Variants in CNOT8 observed in about 807,000 individuals in gnomAD.
The protein encoded by CNOT8 is CAF1-like protein.
In CNOT8, 18 loss-of-function variants were observed where a neutral mutation model predicts 34.6. That is an observed-to-expected ratio of 0.52 (90% confidence interval 0.36 to 0.77). CNOT8 has a LOEUF of 0.77. CNOT8 is among the 30% of genes least tolerant of loss of function. CNOT8 has a pLI of 0.00. For synonymous variants in CNOT8, 101 were observed against 118.8 expected (o/e 0.85, Z 0.98); for missense variants, 189 against 347.9 (o/e 0.54, Z 3.63).
At position 154,875,578 on chromosome 5, in the gene CNOT8, T is replaced by C; in HGVS notation, c.*139T>C. The C allele has an allele frequency of 2.2e-6, 2 of 893,474 alleles. No homozygotes were observed. Among genetic ancestry groups the C allele is most frequent in the Non-Finnish European group, 3.2e-6 (2 of 615,456 alleles). 55.3% of individuals were successfully genotyped at this position (893,474 alleles called of 1,614,324 possible). A position where few individuals can be genotyped will look rare whatever the true frequency, so the allele number is the denominator to read the frequency against. ...CTGCATTGAGCAGAAAGACTTTTGT[T>C]TTACTGAAGACAAAAGATGTTTTTA... is the stretch of plus-strand genomic sequence containing the variant. On this transcript the variant is annotated 3_prime_UTR_variant, in exon 7 of 7. Coordinates refer to ENST00000285896, the MANE Select transcript of CNOT8 (RefSeq NM_001301073.2).
At position 154,866,352 on chromosome 5, in the gene CNOT8, C is replaced by T. The variant is rs147947481; in HGVS notation, c.311+967C>T. 2.3e-3 allele frequency among the ~76,000 whole-genome samples: 351 copies of T among 152,164 alleles called. 1 individual carries two copies. Among genetic ancestry groups the T allele is most frequent in the African/African-American group, 8.0e-3 (331 of 41,530 alleles). ...GATTTTTTGTAGAAAGTGATCAGCC[C>T]GCTTTGGCCTCCCAGAGTGTTGGGA... On this transcript the variant is annotated intron_variant, in intron 3 of 6. Coordinates refer to ENST00000285896, the MANE Select transcript of CNOT8 (RefSeq NM_001301073.2).
At position 154,865,352 on chromosome 5, in the gene CNOT8, A is replaced by G. The variant is rs759324217; in HGVS notation, c.278A>G (p.Asn93Ser). The G allele has an allele frequency of 1.9e-6, 3 of 1,586,592 alleles. No homozygotes were observed. Among genetic ancestry groups the G allele is most frequent in the Non-Finnish European group, 2.6e-6 (3 of 1,173,278 alleles). Reference sequence around the variant, plus strand: ...AAGGGAGAGTATCCTTCTGGAATCAATACTTGGCAGTTCAATTTCAAATTT... The same window carrying G: ...AAGGGAGAGTATCCTTCTGGAATCAGTACTTGGCAGTTCAATTTCAAATTT... The part of the protein sequence containing the change: ...NEKGEYPSGI[N>S]TWQFNFKFNL... The change falls in exon 3 of 7, where the codon AAT (asparagine) becomes AGT (serine). Residue 93 changes from asparagine (N) to serine (S), a missense_variant. Asn to Ser is a conservative substitution (Grantham distance 46). Transcript: ENST00000285896.
In CNOT8 at chr5:154,875,601, T is replaced by C. The variant is rs1561697748; in HGVS notation, c.*162T>C. The C allele has an allele frequency of 1.3e-6, 1 of 748,670 alleles. No homozygotes were observed. Among genetic ancestry groups the C allele is most frequent in the Non-Finnish European group, 2.1e-6 (1 of 486,084 alleles). The allele number at this position is 748,670 out of a possible 1,614,324, so 46.4% of individuals were successfully genotyped here. On this transcript the variant is annotated 3_prime_UTR_variant, in exon 7 of 7. Transcript: ENST00000285896. ...GTTTTACTGAAGACAAAAGATGTTT[T>C]TATTTTAGACCCAGAAGAGAGGAGT...
chr5:154,873,370 T>A (rs981596137), intron 6 of CNOT8, among the ~76,000 whole-genome samples: 2 of 152,246 alleles, frequency 1.3e-5, no homozygotes, highest in African/African-American at 4.8e-5. Context: ...CAGAACTTCA[T>A]GTTCTTGTCA....
intron 2 of CNOT8, among the ~76,000 whole-genome samples, chr5:154,864,668 A>G (rs1441001613): frequency 6.6e-6 from 1 of 152,074 alleles, no homozygotes; most frequent in Non-Finnish European, 1.5e-5. Flanking sequence ...AACTCTTTCT[A>G]TTGACATTCT....
In CNOT8 at chr5:154,870,658, T is replaced by C. The variant is rs1006635148; in HGVS notation, c.312-3T>C. 9 of 1,609,016 alleles carry C rather than the reference T, an allele frequency of 5.6e-6. No homozygotes were observed. Among genetic ancestry groups the C allele is most frequent in the Non-Finnish European group, 7.6e-6 (9 of 1,178,056 alleles). On this transcript the variant is annotated splice_region_variant and splice_polypyrimidine_tract_variant and intron_variant, in intron 3 of 6. Transcript: ENST00000285896. ...GTTAATAAATAAACACCTTGTTTTT[T>C]AGAGAGGACATGTACTCCCAGGATT...
At chr5:154,874,909 T>C (rs145635293) in intron 6 of CNOT8, among the ~76,000 whole-genome samples, 2 of 151,882 alleles carry the variant, frequency 1.3e-5, no homozygotes, top group East Asian at 3.9e-4. Flanking sequence ...GAGGTGGTGA[T>C]GTGGTAGTGG....
In CNOT8 at chr5:154,875,669, C is replaced by T. The variant is rs878980849; in HGVS notation, c.*230C>T. Reference sequence around the variant, plus strand: ...ATAAGTCTTCCCCATTCCTCATACTCGAGCCTCTCCTCTCTGGTTGCCTCC... The same window carrying T: ...ATAAGTCTTCCCCATTCCTCATACTTGAGCCTCTCCTCTCTGGTTGCCTCC... On this transcript the variant is annotated 3_prime_UTR_variant, in exon 7 of 7. Transcript: ENST00000285896. 1.2e-5 allele frequency: 5 copies of T among 434,022 alleles called. No individual in the cohort carries two copies. The highest frequency in any genetic ancestry group is 6.5e-5 in the South Asian group (2 of 30,582). The allele number at this position is 434,022 out of a possible 1,614,324, so 26.9% of individuals were successfully genotyped here. A position where few individuals can be genotyped will look rare whatever the true frequency, so the allele number is the denominator to read the frequency against.
At position 154,865,126 on chromosome 5, in the gene CNOT8, T is replaced by G. The variant is rs1761744690; in HGVS notation, c.118-66T>G. 4.7e-6 allele frequency: 6 copies of G among 1,275,258 alleles called. No individual in the cohort carries two copies. The South Asian group carries it at 9.4e-5, about 20-fold the overall frequency. 79.0% of individuals were successfully genotyped at this position (1,275,258 alleles called of 1,614,324 possible). The stretch of plus-strand genomic sequence containing the variant: ...ATAAATGGAGGTAAAATTTTATTTA[T>G]GAATTACCAATTCAGCATCCACTGT... On this transcript the variant is annotated intron_variant, in intron 2 of 6. Coordinates refer to ENST00000285896, the MANE Select transcript of CNOT8 (RefSeq NM_001301073.2).
In CNOT8 at chr5:154,875,775, C is replaced by G. The variant is rs118083648; in HGVS notation, c.*336C>G. ...AAACAAAGTAGTAAAATGTATATAACTCTTACCTGTTGTCATTCTTTTTCT... is the reference window on the plus strand; with the variant it reads ...AAACAAAGTAGTAAAATGTATATAAGTCTTACCTGTTGTCATTCTTTTTCT... On this transcript the variant is annotated 3_prime_UTR_variant, in exon 7 of 7. Transcript: ENST00000285896. 3.6e-5 allele frequency: 7 copies of G among 191,862 alleles called. No individual in the cohort carries two copies. The East Asian group carries it at 9.8e-4, about 27-fold the overall frequency. The allele number at this position is 191,862 out of a possible 1,614,324, so 11.9% of individuals were successfully genotyped here.
rs1264204520 is a variant in CNOT8, at chr5:154,876,378, A to G, written c.*939A>G. 1 of 152,156 alleles carries G rather than the reference A, an allele frequency of 6.6e-6. No individual in the cohort carries two copies. Among genetic ancestry groups the G allele is most frequent in the Non-Finnish European group, 1.5e-5 (1 of 68,050 alleles). The allele number at this position is 152,156 out of a possible 1,614,324, so 9.4% of individuals were successfully genotyped here. A position where few individuals can be genotyped will look rare whatever the true frequency, so the allele number is the denominator to read the frequency against. On this transcript the variant is annotated 3_prime_UTR_variant, in exon 7 of 7. Transcript: ENST00000285896. The stretch of plus-strand genomic sequence containing the variant: ...TTCCAGCAAACCTGAAACGTGAGGG[A>G]GATGGATTAATGTGAGTAACAGGAA...
chr5:154,870,393 T>A, intron 3 of CNOT8: 1 of 240,302 alleles, frequency 4.2e-6, no homozygotes, highest in Non-Finnish European at 8.1e-6. Flanking sequence ...GTTATTGGTT[T>A]TTTTTTTTTT....
Position 154,860,322 on chromosome 5 carries a change from A to G in CNOT8, c.-73+1554A>G, listed in dbSNP as rs544453618. On this transcript the variant is annotated intron_variant, in intron 1 of 6. Transcript: ENST00000285896. ...GATGATGATGATGATGATTTTTTTGAGACGTGCTCTTGCTCAGTCGCTGAG... is the reference window on the plus strand; with the variant it reads ...GATGATGATGATGATGATTTTTTTGGGACGTGCTCTTGCTCAGTCGCTGAG... 2.0e-5 allele frequency among the ~76,000 whole-genome samples: 3 copies of G among 152,110 alleles called. No homozygotes were observed. In the South Asian group the frequency reaches 6.2e-4, roughly 32 times the overall value.
rs976377987 is a variant in CNOT8 at position 154,858,718 on chromosome 5, C to T, written c.-123C>T. On this transcript the variant is annotated 5_prime_UTR_variant, in exon 1 of 7. Coordinates refer to ENST00000285896, the MANE Select transcript of CNOT8 (RefSeq NM_001301073.2). Reference sequence around the variant, plus strand: ...CCGTCGGGGAGTCAGCCCGCCAGCCCGCCAGCTCGTCAGCCCGCCAGCCAG... The same window carrying T: ...CCGTCGGGGAGTCAGCCCGCCAGCCTGCCAGCTCGTCAGCCCGCCAGCCAG... The T allele has an allele frequency of 6.6e-6, 1 of 152,170 alleles. No individual in the cohort carries two copies. The highest frequency in any genetic ancestry group is 1.5e-5 in the Non-Finnish European group (1 of 68,174). The allele number at this position is 152,170 out of a possible 1,614,324, so 9.4% of individuals were successfully genotyped here. A position where few individuals can be genotyped will look rare whatever the true frequency, so the allele number is the denominator to read the frequency against.
At chr5:154,868,263 CTTTTCTTTTTTTT>C (rs1762108219) in intron 3 of CNOT8, among the ~76,000 whole-genome samples, 1 of 127,258 alleles carries the variant, frequency 7.9e-6, no homozygotes, top group Non-Finnish European at 1.6e-5. Flanking sequence ...TTTTTCTTTT[CTTTTCTTTTTTTT>C]TTTTTTTTTT....
Position 154,863,209 on chromosome 5 carries a change from C to A in CNOT8, c.-70C>A, listed in dbSNP as rs1462437112. 9.7e-7 allele frequency: 1 copy of A among 1,028,134 alleles called. No homozygotes were observed. The allele number at this position is 1,028,134 out of a possible 1,614,324, so 63.7% of individuals were successfully genotyped here. A position where few individuals can be genotyped will look rare whatever the true frequency, so the allele number is the denominator to read the frequency against. ...TTTTAAAATGTTTTACAATCTAGAT[C>A]AGACCAAACATTGTCTGGCTTGCAC... On this transcript the variant is annotated splice_region_variant and 5_prime_UTR_variant, in exon 2 of 7. Transcript: ENST00000285896.
At chr5:154,872,025 A>G in intron 5 of CNOT8, 151 bp downstream of exon 5, 1 of 676,382 alleles carries the variant, frequency 1.5e-6, no homozygotes, top group Non-Finnish European at 2.4e-6. Context: ...ATTTGGTCAG[A>G]TATTTGTGTG....
At chr5:154,866,138 C>G (rs969926823) in intron 3 of CNOT8, among the ~76,000 whole-genome samples, 1 of 152,084 alleles carries the variant, frequency 6.6e-6, no homozygotes, top group African/African-American at 2.4e-5. Flanking sequence ...AACTGGGCAT[C>G]GGGAGTGTTT....
chr5:154,869,616 G>T (rs901478187), intron 3 of CNOT8, among the ~76,000 whole-genome samples: 40 of 121,730 alleles, frequency 3.3e-4, no homozygotes, highest in South Asian at 7.6e-4. Context: ...GCTAATTTTT[G>T]TTTTTTTGTG....
Sources: allele counts gnomAD v4.1 joint callset (sites outside exome capture counted in the v4.1 genomes callset), GRCh38; gene constraint gnomAD v4.1.1; transcripts MANE v1.5; gene names NCBI Gene and HGNC (gene_info 2026-07-23, HGNC 2026-07-21).